Variants in CDH4 observed in about 807,000 individuals in gnomAD.
The protein encoded by CDH4 is cadherin 4.
Under a neutral mutation model 86.0 loss-of-function variants are expected in CDH4, and 33 were observed. The observed-to-expected ratio is 0.38, with a 90% confidence interval of 0.29 to 0.51. The LOEUF is 0.51. CDH4 is among the 20% of genes least tolerant of loss of function. The pLI is 0.86. For missense variants in CDH4, 1,114 were observed against 1,307.4 expected, an observed-to-expected ratio of 0.85 and a Z score of 2.28; for synonymous variants, 555 against 549.4, an observed-to-expected ratio of 1.01 and a Z score of -0.14.
At chr20:61,354,991 C>T (rs28415571) in intron 2 of CDH4, among the ~76,000 whole-genome samples, 116,201 of 152,086 alleles carry the variant, frequency 0.76, 44,970 homozygotes, top group South Asian at 0.89. Context: ...GGCCATTTTC[C>T]CATAAAGAAA....
intron 2 of CDH4, among the ~76,000 whole-genome samples, chr20:61,737,941 G>A (rs1378420283): frequency 6.6e-6 from 1 of 152,220 alleles, no homozygotes; most frequent in Non-Finnish European, 1.5e-5. Context: ...CAGGGCTGCT[G>A]GTGCACACCC....
chr20:61,399,968 G>C (rs887678973), intron 2 of CDH4, among the ~76,000 whole-genome samples: 3 of 152,224 alleles, frequency 2.0e-5, no homozygotes, highest in Non-Finnish European at 4.4e-5. Context: ...AGTGGTAGGG[G>C]GAATAGCTGG....
At chr20:61,881,957 G>A (rs1984300039) in intron 7 of CDH4, among the ~76,000 whole-genome samples, 2 of 152,250 alleles carry the variant, frequency 1.3e-5, no homozygotes, top group African/African-American at 2.4e-5. Context: ...GGAGAAGGCT[G>A]CATGGAGACC....
chr20:61,832,181 C>T (rs1981653468), intron 4 of CDH4, among the ~76,000 whole-genome samples: 2 of 152,218 alleles, frequency 1.3e-5, no homozygotes. Context: ...AGCCACCTTC[C>T]CTACTGAGGC....
intron 4 of CDH4, among the ~76,000 whole-genome samples, chr20:61,843,555 G>A (rs368873871): frequency 2.0e-5 from 3 of 151,778 alleles, no homozygotes; most frequent in Non-Finnish European, 4.4e-5. Flanking sequence ...TTAGCCAGGC[G>A]TGGTTGCCAG....
chr20:61,811,779 C>T lies in CDH4; in HGVS notation c.577-32889C>T, dbSNP rs1377136126. 6.6e-6 allele frequency among the ~76,000 whole-genome samples: 1 copy of T among 150,704 alleles called. No individual in the cohort carries two copies. The highest frequency in any genetic ancestry group is 6.7e-5 in the Admixed American group (1 of 15,006). ...CTCTGCCTCCCGGGTTCAAGCAATT[C>T]TCCTGCCTCAGCCTCCCATGTAGCT... On this transcript the variant is annotated intron_variant, in intron 4 of 15. Transcript: ENST00000614565. This position sits in a 1 kb window ranked among gnomAD's most constrained non-coding sequence, Gnocchi z 4.4.
intron 2 of CDH4, among the ~76,000 whole-genome samples, chr20:61,522,188 CAG>C (rs2085874480): frequency 6.6e-6 from 1 of 152,194 alleles, no homozygotes; most frequent in African/African-American, 2.4e-5. Flanking sequence ...CTGAGGTCCT[CAG>C]GGGCCTCCAG....
chr20:61,321,334 C>T (rs1239587000), intron 2 of CDH4, among the ~76,000 whole-genome samples: 1 of 152,068 alleles, frequency 6.6e-6, no homozygotes, highest in Non-Finnish European at 1.5e-5. Flanking sequence ...GCAGGTTCTG[C>T]TAATTCCAGA....
At chr20:61,751,991 C>T (rs979194019) in intron 3 of CDH4, among the ~76,000 whole-genome samples, 10 of 152,154 alleles carry the variant, frequency 6.6e-5, no homozygotes, top group South Asian at 2.1e-4. Flanking sequence ...GCACATGGCA[C>T]GTGAAGCGTG....
At chr20:61,275,603 G>T (rs964173401) in intron 2 of CDH4, among the ~76,000 whole-genome samples, 13 of 134,602 alleles carry the variant, frequency 9.7e-5, no homozygotes, top group Non-Finnish European at 1.9e-4. Context: ...CGCAGTTTGG[G>T]AGAGTACCAT....
At chr20:61,929,418 G>A (rs548585431) in intron 12 of CDH4, among the ~76,000 whole-genome samples, 191 bp from the exon 13 acceptor site, 43 of 152,308 alleles carry the variant, frequency 2.8e-4, no homozygotes, top group African/African-American at 8.7e-4. Context: ...GATTACAAGC[G>A]TGAGCCACCA....
At position 61,252,645 on chromosome 20, in the gene CDH4, G is replaced by C; in HGVS notation, c.57+75G>C. On this transcript the variant is annotated intron_variant, in intron 1 of 15. Transcript: ENST00000614565. The surrounding 1 kb of genome is among the most constrained non-coding windows in gnomAD (Gnocchi z 4.4). ...AGGTCGTCCCCGGATCCCGCGGGGC[G>C]CTCACACACCCGGCGGGGCTCTCCC... The C allele has an allele frequency of 1.2e-5, 11 of 895,110 alleles. No individual in the cohort carries two copies. Among genetic ancestry groups the C allele is most frequent in the Non-Finnish European group, 1.6e-5 (11 of 693,440 alleles). The allele number at this position is 895,110 out of a possible 1,614,324, so 55.4% of individuals were successfully genotyped here. A position where few individuals can be genotyped will look rare whatever the true frequency, so the allele number is the denominator to read the frequency against.
chr20:61,786,265 C>T (rs1157455861), intron 4 of CDH4, among the ~76,000 whole-genome samples: 1 of 152,090 alleles, frequency 6.6e-6, no homozygotes, highest in Non-Finnish European at 1.5e-5. Flanking sequence ...GCAGGAGGGG[C>T]GGCTACACAT....
At chr20:61,864,716 C>T (rs984504847) in intron 6 of CDH4, among the ~76,000 whole-genome samples, 1 of 152,184 alleles carries the variant, frequency 6.6e-6, no homozygotes, top group Non-Finnish European at 1.5e-5. Flanking sequence ...GGAGGTGGCC[C>T]CAGCTTCCCG....
intron 2 of CDH4, among the ~76,000 whole-genome samples, chr20:61,678,036 A>G (rs184671685): frequency 6.6e-6 from 1 of 152,102 alleles, no homozygotes; most frequent in Non-Finnish European, 1.5e-5. Flanking sequence ...AAATAGGTAG[A>G]TAGATGGATG....
intron 2 of CDH4, among the ~76,000 whole-genome samples, chr20:61,273,306 T>C (rs2084196403): frequency 7.9e-6 from 1 of 126,124 alleles, no homozygotes; most frequent in Non-Finnish European, 1.6e-5. Flanking sequence ...CCATGTGCAG[T>C]TTGGGGGAAT....
chr20:61,320,877 T>G (rs1052876193), intron 2 of CDH4, among the ~76,000 whole-genome samples: 2 of 151,788 alleles, frequency 1.3e-5, no homozygotes, highest in Non-Finnish European at 2.9e-5. Flanking sequence ...GGCTGTGGCG[T>G]GAAGACAGTA....
chr20:61,527,891 G>A (rs60935983), intron 2 of CDH4, among the ~76,000 whole-genome samples: 1,954 of 152,174 alleles, frequency 0.013, 44 homozygotes, highest in African/African-American at 0.044. Flanking sequence ...CAGAACCCGG[G>A]GCACCGGCGC....
rs1427416274 is a variant in CDH4 at position 61,676,089 on chromosome 20, C to T, written c.170-67474C>T. Among the ~76,000 whole-genome samples, 2 of 152,150 alleles carry T rather than the reference C, an allele frequency of 1.3e-5. No homozygotes were observed. Among genetic ancestry groups the T allele is most frequent in the Admixed American group, 6.5e-5 (1 of 15,278 alleles). On this transcript the variant is annotated intron_variant, in intron 2 of 15. Transcript: ENST00000614565. This position sits in a 1 kb window ranked among gnomAD's most constrained non-coding sequence, Gnocchi z 4.5. ...GGGCAGTCGGTGGGGGGAGCCTCAG[C>T]GAGGACCGAGTGTGGGGTCCAAGGT... is the stretch of plus-strand genomic sequence containing the variant.
Sources: gnomAD v4.1 joint callset for allele counts (sites outside exome capture counted in the v4.1 genomes callset) on GRCh38, gnomAD v4.1.1 for gene constraint, Gnocchi (gnomAD v3.1) non-coding constraint, MANE v1.5 for transcripts, NCBI Gene and HGNC (gene_info 2026-07-23, HGNC 2026-07-21) for gene names.